The following AGBL4 variants were observed in gnomAD, a reference collection of about 807,000 sequenced individuals.
AGBL4 encodes the protein AGBL carboxypeptidase 4, also known as cytosolic carboxypeptidase 6.
In AGBL4, 58 loss-of-function variants were observed where a neutral mutation model predicts 66.4. The ratio of observed to expected loss-of-function variants is 0.87; its 90% CI spans 0.71 to 1.09. AGBL4 has a LOEUF of 1.09. Among genes scored for constraint, AGBL4 ranks in the 50% least tolerant of loss-of-function variants. The pLI is 0.00. For synonymous variants in AGBL4, 234 were observed against 222.9 expected (o/e 1.05, Z -0.44); for missense variants, 579 against 631.0 (o/e 0.92, Z 0.88).
At chr1:48,570,697 T>C (rs1388401972) in intron 11 of AGBL4, among the ~76,000 whole-genome samples, 1 of 152,154 alleles carries the variant, frequency 6.6e-6, no homozygotes, top group Non-Finnish European at 1.5e-5. Context: ...TTTCTAAAAC[T>C]CAGGCGCCTT....
At chr1:48,795,987 G>T (rs1645665349) in intron 6 of AGBL4, among the ~76,000 whole-genome samples, 4 of 152,192 alleles carry the variant, frequency 2.6e-5, no homozygotes, top group South Asian at 4.1e-4. Flanking sequence ...GTAGATGCAT[G>T]TGACTACCAT....
At chr1:49,545,907 G>A (rs1391896637) in intron 3 of AGBL4, among the ~76,000 whole-genome samples, 1 of 152,048 alleles carries the variant, frequency 6.6e-6, no homozygotes, top group Admixed American at 6.5e-5. Flanking sequence ...ATAAGTTATG[G>A]GAGTACAGGT....
chr1:49,194,230 T>C (rs1034485880), intron 4 of AGBL4, among the ~76,000 whole-genome samples: 12 of 152,144 alleles, frequency 7.9e-5, no homozygotes, highest in Non-Finnish European at 4.4e-5. Flanking sequence ...GTTGTTATAT[T>C]CTGTTTTTGA....
chr1:48,965,104 A>T (rs1658312604), intron 5 of AGBL4, among the ~76,000 whole-genome samples: 1 of 152,150 alleles, frequency 6.6e-6, no homozygotes, highest in African/African-American at 2.4e-5. Flanking sequence ...TCCAAAATTT[A>T]TGACCTCTAA....
intron 1 of AGBL4, among the ~76,000 whole-genome samples, chr1:49,891,756 A>G (rs1326236661): frequency 6.6e-6 from 1 of 152,204 alleles, no homozygotes; most frequent in African/African-American, 2.4e-5. Context: ...AACATAGAAT[A>G]TGAAGAGGAG....
At chr1:49,038,069 C>G (rs1432745203) in intron 5 of AGBL4, among the ~76,000 whole-genome samples, 1 of 152,108 alleles carries the variant, frequency 6.6e-6, no homozygotes, top group Non-Finnish European at 1.5e-5. Context: ...CAAACTGATC[C>G]TCTTTCCTGA....
intron 4 of AGBL4, among the ~76,000 whole-genome samples, chr1:49,084,424 A>G (rs1158754324): frequency 6.6e-6 from 1 of 152,222 alleles, no homozygotes; most frequent in African/African-American, 2.4e-5. Context: ...CCTCATGATC[A>G]TGGCAGAGGG....
chr1:49,575,563 T>C (rs1014522919), intron 3 of AGBL4, among the ~76,000 whole-genome samples: 2 of 152,222 alleles, frequency 1.3e-5, no homozygotes, highest in African/African-American at 4.8e-5. Context: ...CACATCCCCA[T>C]TCAACTCTCC....
In AGBL4 at chr1:48,591,080, A is replaced by C. The variant is rs1277853529; in HGVS notation, c.952-95T>G. On this transcript the variant is annotated intron_variant, in intron 9 of 13. Transcript: ENST00000371839. Reference sequence around the variant, plus strand: ...CACTACACACACACACCCCCCACACACACCCACCCACCCCCCCCCACACAC... The same window carrying C: ...CACTACACACACACACCCCCCACACCCACCCACCCACCCCCCCCCACACAC... 97 of 808,690 alleles carry C rather than the reference A, an allele frequency of 1.2e-4. 1 individual carries two copies. The highest frequency in any genetic ancestry group is 2.3e-4 in the African/African-American group (10 of 43,838). The allele number at this position is 808,690 out of a possible 1,614,324, so 50.1% of individuals were successfully genotyped here. A position where few individuals can be genotyped will look rare whatever the true frequency, so the allele number is the denominator to read the frequency against.
intron 5 of AGBL4, among the ~76,000 whole-genome samples, chr1:48,901,554 A>G (rs1345782397): frequency 6.6e-6 from 1 of 152,214 alleles, no homozygotes; most frequent in East Asian, 1.9e-4. Context: ...CGAATGACCC[A>G]CTGATGCACA....
intron 3 of AGBL4, among the ~76,000 whole-genome samples, chr1:49,395,326 C>CT (rs1431465019): frequency 2.6e-5 from 4 of 151,558 alleles, no homozygotes; most frequent in South Asian, 2.1e-4. Context: ...AGAAAAAGGG[C>CT]TTTTTTTAAA....
chr1:49,389,105 A>G (rs189434492), intron 3 of AGBL4, among the ~76,000 whole-genome samples: 4 of 152,226 alleles, frequency 2.6e-5, no homozygotes, highest in African/African-American at 9.6e-5. Context: ...GGCTTGCTTG[A>G]AGGTCCAACT....
At chr1:49,172,507 T>C (rs1646757055) in intron 4 of AGBL4, among the ~76,000 whole-genome samples, 1 of 152,128 alleles carries the variant, frequency 6.6e-6, no homozygotes, top group African/African-American at 2.4e-5. Context: ...TGAGGTAGTG[T>C]CTAGGAATTT....
At chr1:48,850,020 ATTTGTCT>A (rs1310331157) in intron 6 of AGBL4, among the ~76,000 whole-genome samples, 1 of 152,148 alleles carries the variant, frequency 6.6e-6, no homozygotes, top group African/African-American at 2.4e-5. Flanking sequence ...AGTTTTTGAT[ATTTGTCT>A]TTTGGTACCA....
At chr1:49,642,383 C>T (rs1293115366) in intron 3 of AGBL4, among the ~76,000 whole-genome samples, 2 of 151,944 alleles carry the variant, frequency 1.3e-5, no homozygotes, top group Non-Finnish European at 2.9e-5. Context: ...TTTCCAAGCA[C>T]AGCACAAGGG....
At chr1:48,752,397 T>C (rs1432655542) in intron 6 of AGBL4, among the ~76,000 whole-genome samples, 1 of 152,174 alleles carries the variant, frequency 6.6e-6, no homozygotes, top group East Asian at 1.9e-4. Flanking sequence ...AAGATGGAAT[T>C]CTGCCCAGGA....
intron 3 of AGBL4, among the ~76,000 whole-genome samples, chr1:49,295,091 C>T (rs754027633): frequency 1.3e-5 from 2 of 152,110 alleles, no homozygotes; most frequent in Non-Finnish European, 2.9e-5. Flanking sequence ...TTCCAGCATC[C>T]ATGTCTTTGT....
At chr1:49,481,609 C>A (rs554303944) in intron 3 of AGBL4, among the ~76,000 whole-genome samples, 1 of 151,888 alleles carries the variant, frequency 6.6e-6, no homozygotes, top group South Asian at 2.1e-4. Flanking sequence ...TATTTGAATA[C>A]CCTTTATTTC....
chr1:49,244,246 A>G (rs561809789), intron 4 of AGBL4, among the ~76,000 whole-genome samples: 45 of 151,980 alleles, frequency 3.0e-4, no homozygotes, highest in African/African-American at 1.0e-3. Flanking sequence ...TGAGCAAATC[A>G]ACAGTGATGT....
Sources: gnomAD v4.1 joint callset for allele counts (sites outside exome capture counted in the v4.1 genomes callset) on GRCh38, gnomAD v4.1.1 for gene constraint, MANE v1.5 for transcripts, NCBI Gene and HGNC (gene_info 2026-07-23, HGNC 2026-07-21) for gene names.